The following PRR16 variants were observed in gnomAD, a reference collection of about 807,000 sequenced individuals.
The protein encoded by PRR16 is proline rich 16, also known as protein Largen.
In PRR16, 6 loss-of-function variants were observed where a neutral mutation model predicts 18.2. The observed-to-expected ratio is 0.33, with a 90% CI of 0.18 to 0.65. The LOEUF (loss-of-function observed/expected upper bound fraction) is 0.65. Ranked by LOEUF, PRR16 falls within the 30% of genes least tolerant of loss-of-function variation. PRR16 has a pLI of 0.74. For missense variants in PRR16, 412 were observed against 376.6 expected (o/e 1.09, Z -0.78); for synonymous variants, 151 against 147.8 (o/e 1.02, Z -0.16).
the PRR16 span, among the ~76,000 whole-genome samples, chr5:120,745,894 A>G: frequency 7.9e-6 from 1 of 126,494 alleles, no homozygotes; most frequent in Non-Finnish European, 1.7e-5. Context: ...AGCAGAGACA[A>G]GGGTTTCACC....
chr5:120,562,408 C>T (rs1261191356), intron 1 of PRR16, among the ~76,000 whole-genome samples: 4 of 151,996 alleles, frequency 2.6e-5, no homozygotes, highest in Non-Finnish European at 5.9e-5. Flanking sequence ...CAACAGATTA[C>T]TGTGACTTTT....
chr5:120,504,574 C>T (rs1366354315), intron 1 of PRR16, among the ~76,000 whole-genome samples: 1 of 152,084 alleles, frequency 6.6e-6, no homozygotes, highest in Non-Finnish European at 1.5e-5. Flanking sequence ...GTGAGTCGCC[C>T]TTCACGGGGT....
chr5:120,631,576 T>A (rs1359615794), intron 1 of PRR16, among the ~76,000 whole-genome samples: 1 of 152,112 alleles, frequency 6.6e-6, no homozygotes, highest in Non-Finnish European at 1.5e-5. Flanking sequence ...CCCATTTCGC[T>A]GGTGACCTGT....
At chr5:120,550,667 G>T (rs988508138) in intron 1 of PRR16, among the ~76,000 whole-genome samples, 19 of 152,088 alleles carry the variant, frequency 1.2e-4, no homozygotes, top group African/African-American at 4.6e-4. Flanking sequence ...ACACTAAGAG[G>T]ATTAATTAAT....
intron 1 of PRR16, among the ~76,000 whole-genome samples, chr5:120,569,701 A>T (rs1245987632): frequency 1.3e-5 from 2 of 152,120 alleles, no homozygotes; most frequent in African/African-American, 2.4e-5. Context: ...TTCCGGAGTG[A>T]TCAAGGCAGG....
At chr5:120,714,081 G>A in the PRR16 span, among the ~76,000 whole-genome samples, 1 of 151,078 alleles carries the variant, frequency 6.6e-6, no homozygotes, top group African/African-American at 2.4e-5. Context: ...TTTTTTTTTA[G>A]GAAAACAATT....
intron 1 of PRR16, among the ~76,000 whole-genome samples, chr5:120,546,018 G>A (rs571407838): frequency 6.6e-6 from 1 of 152,126 alleles, no homozygotes; most frequent in Non-Finnish European, 1.5e-5. Flanking sequence ...GAGTTCTCAC[G>A]ATGAAAAGTG....
At chr5:120,734,172 G>A in the PRR16 span, among the ~76,000 whole-genome samples, 2 of 152,190 alleles carry the variant, frequency 1.3e-5, no homozygotes, top group Non-Finnish European at 2.9e-5. Flanking sequence ...AAGCGGGAGG[G>A]CTCCTGGCAT....
intron 1 of PRR16, among the ~76,000 whole-genome samples, chr5:120,529,014 A>T (rs767680010): frequency 2.0e-5 from 3 of 152,090 alleles, no homozygotes; most frequent in Non-Finnish European, 4.4e-5. Context: ...ATTTAATTAA[A>T]TCATTTTTTT....
chr5:120,633,607 A>G (rs114361178), intron 1 of PRR16, among the ~76,000 whole-genome samples: 1,782 of 152,252 alleles, frequency 0.012, 13 homozygotes, highest in South Asian at 0.029. Flanking sequence ...TTAAAGTAAC[A>G]GAAGTTAGAT....
intron 1 of PRR16, among the ~76,000 whole-genome samples, chr5:120,678,163 C>G (rs1011476494): frequency 6.6e-6 from 1 of 152,106 alleles, no homozygotes; most frequent in African/African-American, 2.4e-5. Flanking sequence ...CCTGCCTCGG[C>G]CTCCCAAAGT....
At chr5:120,700,987 A>G in the PRR16 span, among the ~76,000 whole-genome samples, 7 of 152,286 alleles carry the variant, frequency 4.6e-5, no homozygotes, top group Admixed American at 1.3e-4. Flanking sequence ...CAGATGGGAC[A>G]CAGCTTAGGA....
At chr5:120,564,350 A>T (rs1752669023) in intron 1 of PRR16, among the ~76,000 whole-genome samples, 1 of 151,992 alleles carries the variant, frequency 6.6e-6, no homozygotes, top group Admixed American at 6.6e-5. Context: ...TTTGTGTCCT[A>T]GACTGCCTTT....
intron 1 of PRR16, among the ~76,000 whole-genome samples, chr5:120,585,841 A>T (rs916575289): frequency 3.9e-5 from 6 of 152,038 alleles, no homozygotes; most frequent in Admixed American, 2.6e-4. Flanking sequence ...GATCCCTGTT[A>T]TCTTGAAGTT....
chr5:120,579,933 G>A (rs1753211580), intron 1 of PRR16, among the ~76,000 whole-genome samples: 1 of 152,082 alleles, frequency 6.6e-6, no homozygotes, highest in African/African-American at 2.4e-5. Flanking sequence ...AGTTCTCCTT[G>A]AAGAAGTCCT....
chr5:120,718,123 G>A, the PRR16 span, among the ~76,000 whole-genome samples: 1 of 151,994 alleles, frequency 6.6e-6, no homozygotes, highest in Non-Finnish European at 1.5e-5. Context: ...ATCATAATGT[G>A]CCTCACTAAT....
chr5:120,557,246 G>T (rs1174802315), intron 1 of PRR16, among the ~76,000 whole-genome samples: 6 of 151,832 alleles, frequency 4.0e-5, no homozygotes. Context: ...ATAAAAGGAA[G>T]TTTTCAGTAG....
At chr5:120,791,789 T>A in the PRR16 span, among the ~76,000 whole-genome samples, 2 of 152,118 alleles carry the variant, frequency 1.3e-5, no homozygotes, top group African/African-American at 4.8e-5. Flanking sequence ...GTCATTAGGC[T>A]TATTCCCAAA....
At chr5:120,703,367 G>C in the PRR16 span, among the ~76,000 whole-genome samples, 1 of 152,224 alleles carries the variant, frequency 6.6e-6, no homozygotes. Flanking sequence ...ATACGTGCAA[G>C]TCACAGGGGA....
Sources: allele counts gnomAD v4.1 joint callset (sites outside exome capture counted in the v4.1 genomes callset), GRCh38; gene constraint gnomAD v4.1.1; transcripts MANE v1.5; gene names NCBI Gene and HGNC (gene_info 2026-07-23, HGNC 2026-07-21).